The following GAB1 variants were observed in gnomAD, a reference collection of about 807,000 sequenced individuals.
GAB1 encodes GRB2-associated-binding protein 1.
A neutral mutation model predicts 66.5 loss-of-function variants in GAB1; 19 were observed. The observed-to-expected ratio is 0.29, with a 90% confidence interval of 0.20 to 0.42. GAB1 has a LOEUF of 0.42. Ranked by LOEUF, GAB1 falls within the 10% of genes least tolerant of loss-of-function variation. GAB1 has a pLI of 1.00. For synonymous variants in GAB1, 294 were observed against 301.4 expected (o/e 0.98, Z 0.25); for missense variants, 732 against 858.5 (o/e 0.85, Z 1.84).
chr4:143,451,866 A>G (rs1298164848), intron 6 of GAB1, among the ~76,000 whole-genome samples: 1 of 151,686 alleles, frequency 6.6e-6, no homozygotes, highest in Non-Finnish European at 1.5e-5. Context: ...CATCACTTTC[A>G]GAGAAACAAA....
At chr4:143,436,179 A>C (rs565863554) in intron 3 of GAB1, among the ~76,000 whole-genome samples, 4 of 152,316 alleles carry the variant, frequency 2.6e-5, no homozygotes, top group Non-Finnish European at 5.9e-5. Context: ...TGTGAACTAC[A>C]CCTAGTTGGT....
intron 3 of GAB1, among the ~76,000 whole-genome samples, chr4:143,434,447 T>C (rs1016791016): frequency 2.6e-5 from 4 of 151,320 alleles, no homozygotes; most frequent in African/African-American, 9.7e-5. Context: ...CCCAAACTCC[T>C]GGGCTCAAGT....
At position 143,415,729 on chromosome 4, in the gene GAB1, C is replaced by T. The variant is rs201202756; in HGVS notation, c.325C>T (p.Arg109Cys). The T allele has an allele frequency of 1.2e-5, 19 of 1,612,822 alleles. No homozygotes were observed. The highest frequency in any genetic ancestry group is 1.4e-5 in the Non-Finnish European group (17 of 1,179,202). Residue 109 changes from arginine (R) to cysteine (C), a missense_variant, in exon 2 of 10, where the codon CGT (arginine) becomes TGT (cysteine). This residue lies in a region of GAB1 where 66 missense variants were observed against 130.3 expected (regional missense o/e 0.51). Transcript: ENST00000262994. ...CGAGGAGGAGATGAATAAGTGGGTT[C>T]GTTGTATTTGTGACATCTGTGGGTT... ...DSEEEMNKWVRCICDICGFNP... is the reference protein window; with the variant it reads ...DSEEEMNKWVCCICDICGFNP...
Position 143,382,968 on chromosome 4 carries a change from A to G in GAB1, c.73-32509A>G, listed in dbSNP as rs149152022. Among the ~76,000 whole-genome samples, 493 of 152,276 alleles carry G rather than the reference A, an allele frequency of 3.2e-3. 3 individuals carry two copies. Among genetic ancestry groups the G allele is most frequent in the African/African-American group, 0.011 (464 of 41,552 alleles). On this transcript the variant is annotated intron_variant, in intron 1 of 9. Transcript: ENST00000262994. ...AACTGATTTCTAGTTGACTTTGGCT[A>G]TTACTAAATTGTGACATGCATGCAC...
Position 143,373,868 on chromosome 4 carries a change from A to AATAAATATATATATATAT in GAB1, c.72+36611_72+36612insAATATATATATATATATA. Among the ~76,000 whole-genome samples, 654 of 93,634 alleles carry AATAAATATATATATATAT rather than the reference A, an allele frequency of 7.0e-3. 39 individuals are homozygous for AATAAATATATATATATAT. Among genetic ancestry groups the AATAAATATATATATATAT allele is most frequent in the African/African-American group, 0.029 (620 of 21,552 alleles). 61.4% of individuals were successfully genotyped at this position (93,634 alleles called of 152,430 possible). A position where few individuals can be genotyped will look rare whatever the true frequency, so the allele number is the denominator to read the frequency against. On this transcript the variant is annotated intron_variant, in intron 1 of 9. Transcript: ENST00000262994. ...CTCTCTCTCTCTCTGTAAATAAATA[A>AATAAATATATATATATAT]ATATATATATATATATATTTTTACC...
At chr4:143,379,685 C>T (rs1736501535) in intron 1 of GAB1, among the ~76,000 whole-genome samples, 1 of 152,052 alleles carries the variant, frequency 6.6e-6, no homozygotes, top group Non-Finnish European at 1.5e-5. Flanking sequence ...CTCCTGGGCT[C>T]AAGTGATCTT....
intron 8 of GAB1, among the ~76,000 whole-genome samples, chr4:143,461,428 G>T (rs924488843): frequency 6.6e-6 from 1 of 152,132 alleles, no homozygotes; most frequent in Non-Finnish European, 1.5e-5. Context: ...CTTGGGTGTG[G>T]CACATATGCT....
chr4:143,415,608 A>G lies in GAB1; in HGVS notation c.204A>G (p.Val68=), dbSNP rs1245174257. 1.9e-6 allele frequency: 3 copies of G among 1,613,682 alleles called. No homozygotes were observed. The highest frequency in any genetic ancestry group is 2.5e-6 in the Non-Finnish European group (3 of 1,179,672). Reference sequence around the variant, plus strand: ...TTGATTTAAATTTATGTCAACAAGTAGATGCTGGATTGACATTTAACAAAA... The same window carrying G: ...TTGATTTAAATTTATGTCAACAAGTGGATGCTGGATTGACATTTAACAAAA... The part of the protein sequence containing the change: ...RIIDLNLCQQ[V]DAGLTFNKKE... The change falls in exon 2 of 10, where the codon GTA becomes GTG. Residue 68 remains valine, a synonymous_variant. Coordinates refer to ENST00000262994, the MANE Select transcript of GAB1 (RefSeq NM_002039.4).
chr4:143,463,049 T>C (rs901138769), intron 8 of GAB1, among the ~76,000 whole-genome samples: 4 of 152,190 alleles, frequency 2.6e-5, no homozygotes, highest in South Asian at 2.1e-4. Flanking sequence ...CCAAGTACAA[T>C]AGAAAAGTCA....
At chr4:143,390,103 G>T (rs888577694) in intron 1 of GAB1, among the ~76,000 whole-genome samples, 4 of 152,268 alleles carry the variant, frequency 2.6e-5, no homozygotes, top group African/African-American at 7.2e-5. Context: ...GTATTTCATA[G>T]TGCTGGTTCG....
In GAB1 at chr4:143,402,664, C is replaced by T. The variant is rs28925881; in HGVS notation, c.73-12813C>T. On this transcript the variant is annotated intron_variant, in intron 1 of 9. Coordinates refer to ENST00000262994, the MANE Select transcript of GAB1 (RefSeq NM_002039.4). ...TCTAATTAAATAGGGGAATAGGTAC[C>T]ATCTTTTCCTTTCCTGTTCACCTTT... Among the ~76,000 whole-genome samples the T allele has an allele frequency of 7.9e-5, 12 of 152,222 alleles. No homozygotes were observed. In the East Asian group the frequency reaches 2.1e-3, roughly 27 times the overall value.
In GAB1 at chr4:143,443,014, CT is replaced by C. The variant is rs755148605; in HGVS notation, c.1585+2652del. 2.6e-3 allele frequency among the ~76,000 whole-genome samples: 335 copies of C among 126,752 alleles called. 1 individual carries two copies. The highest frequency in any genetic ancestry group is 4.8e-3 in the African/African-American group (157 of 32,520). 83.2% of individuals were successfully genotyped at this position (126,752 alleles called of 152,430 possible). On this transcript the variant is annotated intron_variant, in intron 6 of 9. Transcript: ENST00000262994. ...TTTACTTTTCTTTAGTACTATTTTA[CT>C]TTTTTTTTTTTTTTTTTTTGAGACA... is the stretch of plus-strand genomic sequence containing the variant.
intron 1 of GAB1, among the ~76,000 whole-genome samples, chr4:143,394,066 G>T (rs1331309830): frequency 6.6e-6 from 1 of 152,198 alleles, no homozygotes; most frequent in Non-Finnish European, 1.5e-5. Flanking sequence ...GAGGTCAGGA[G>T]ATCGAGACCA....
intron 1 of GAB1, among the ~76,000 whole-genome samples, chr4:143,408,551 A>G (rs1412444200): frequency 2.0e-5 from 3 of 152,146 alleles, no homozygotes; most frequent in East Asian, 1.9e-4. Context: ...TTTTTACTTA[A>G]CAGTTATCTT....
chr4:143,412,233 A>G (rs762019638), intron 1 of GAB1, among the ~76,000 whole-genome samples: 2 of 152,160 alleles, frequency 1.3e-5, no homozygotes, highest in Non-Finnish European at 2.9e-5. Flanking sequence ...GCAAAAGGAC[A>G]TGTTCTGTGC....
At chr4:143,439,604 T>A in intron 4 of GAB1, 198 bp from the exon 5 acceptor site, 1 of 551,680 alleles carries the variant, frequency 1.8e-6, no homozygotes, top group Non-Finnish European at 3.3e-6. Context: ...TTGGTTAGCA[T>A]ATGAGTGAGT....
intron 1 of GAB1, among the ~76,000 whole-genome samples, chr4:143,347,174 C>T: frequency 6.6e-6 from 1 of 152,302 alleles, no homozygotes; most frequent in East Asian, 1.9e-4. Flanking sequence ...CATTTGTTCT[C>T]TTGTCTCAAA....
chr4:143,448,449 A>G (rs1313606061), intron 6 of GAB1, among the ~76,000 whole-genome samples: 1 of 151,842 alleles, frequency 6.6e-6, no homozygotes, highest in South Asian at 2.1e-4. Context: ...TAAGCTATTG[A>G]TTATTGCCAC....
At chr4:143,401,083 C>T (rs377134306) in intron 1 of GAB1, among the ~76,000 whole-genome samples, 9 of 151,832 alleles carry the variant, frequency 5.9e-5, no homozygotes, top group East Asian at 1.9e-4. Flanking sequence ...ATTTTAACTA[C>T]GGATGTTTTG....
Sources: gnomAD v4.1 joint callset for allele counts (sites outside exome capture counted in the v4.1 genomes callset) on GRCh38, gnomAD v4.1.1 for gene constraint, gnomAD v4.1.1 regional missense constraint, MANE v1.5 for transcripts, NCBI Gene and HGNC (gene_info 2026-07-23, HGNC 2026-07-21) for gene names.